The following HK1 variants were observed in gnomAD, a reference collection of about 807,000 sequenced individuals.
HK1 encodes the protein hexokinase-1.
In HK1, 28 loss-of-function variants were observed where a neutral mutation model predicts 91.6. That is an observed-to-expected ratio of 0.31 (90% CI 0.23 to 0.42). The LOEUF is 0.42. Among genes scored for constraint, HK1 ranks in the 10% least tolerant of loss-of-function variants. HK1 has a pLI of 1.00. For synonymous variants in HK1, 430 were observed against 468.1 expected (o/e 0.92, Z 1.05); for missense variants, 770 against 1,219.8 (o/e 0.63, Z 5.49).
intron 9 of HK1, 31 bp from the exon 10 acceptor site, chr10:69,382,456 T>C: frequency 6.2e-7 from 1 of 1,610,820 alleles, no homozygotes; most frequent in Non-Finnish European, 8.5e-7. Flanking sequence ...TCAGTCCAGC[T>C]GTTGTGGAAT....
intron 1 of HK1, among the ~76,000 whole-genome samples, chr10:69,276,090 CAAAAAAAA>C (rs60324656): frequency 0.13 from 2,025 of 15,796 alleles, 86 homozygotes; most frequent in East Asian, 0.41. Context: ...AACTCCTTTT[CAAAAAAAA>C]AAAAAAAAAA....
chr10:69,315,923 C>A (rs775110383), upstream of HK1: 4 of 1,611,678 alleles, frequency 2.5e-6, no homozygotes, highest in South Asian at 4.4e-5. Context: ...CAGGTTCCTG[C>A]CCTGTAAAGA....
intron 1 of HK1, 84 bp downstream of exon 1, chr10:69,319,094 T>C: frequency 6.7e-7 from 1 of 1,482,478 alleles, no homozygotes; most frequent in Non-Finnish European, 9.2e-7. Context: ...GCCTCCATCC[T>C]CCGGCGCCCG....
chr10:69,336,878 C>G (rs1442164307), intron 1 of HK1, among the ~76,000 whole-genome samples: 2 of 151,822 alleles, frequency 1.3e-5, no homozygotes, highest in African/African-American at 4.8e-5. Flanking sequence ...CCTGACCTCT[C>G]AAGTGATCCA....
exon 5 of HK1, chr10:69,300,855 T>C: frequency 6.4e-7 from 1 of 1,554,578 alleles, no homozygotes; most frequent in Non-Finnish European, 8.9e-7. Flanking sequence ...GAGCCCTGCA[T>C]GATTTTGTAC....
upstream of HK1, among the ~76,000 whole-genome samples, chr10:69,317,303 T>C (rs1220574819): frequency 2.6e-5 from 4 of 152,136 alleles, no homozygotes; most frequent in East Asian, 1.9e-4. Flanking sequence ...CTTCATCTTA[T>C]GGATGAAGAC....
At chr10:69,307,415 T>TAGGAATCTAAGCCACGACTC (rs1234215319) in intron 5 of HK1, among the ~76,000 whole-genome samples, 1 of 152,226 alleles carries the variant, frequency 6.6e-6, no homozygotes, top group African/African-American at 2.4e-5. Flanking sequence ...TGCCACGCTT[T>TAGGAATCTAAGCCACGACTC]AGGAATCTAA....
At chr10:69,392,067 G>C in intron 14 of HK1, 58 bp from the exon 15 acceptor site, 1 of 1,595,952 alleles carries the variant, frequency 6.3e-7, no homozygotes, top group Non-Finnish European at 8.6e-7. Context: ...CCCAGGCCCA[G>C]TTGCAAGACC....
chr10:69,401,252 G>A lies in HK1; in HGVS notation c.*117G>A, dbSNP rs921432628. 2 of 1,214,764 alleles carry A rather than the reference G, an allele frequency of 1.6e-6. No individual in the cohort carries two copies. Among genetic ancestry groups the A allele is most frequent in the African/African-American group, 1.5e-5 (1 of 66,220 alleles). 75.2% of individuals were successfully genotyped at this position (1,214,764 alleles called of 1,614,324 possible). On this transcript the variant is annotated 3_prime_UTR_variant, in exon 18 of 18. Transcript: ENST00000359426. ...TGGCGCCAGGGCCTGCCGGCGCGGG[G>A]AGGAAAGCAAAATCCAACTAATGGT...
intron 2 of HK1, among the ~76,000 whole-genome samples, chr10:69,347,436 C>T (rs2132700668): frequency 6.9e-6 from 1 of 145,574 alleles, no homozygotes; most frequent in South Asian, 2.3e-4. Context: ...GAATAGGAGA[C>T]AGATTTTTTT....
chr10:69,354,696 A>C (rs115427476), intron 2 of HK1, among the ~76,000 whole-genome samples: 1 of 152,206 alleles, frequency 6.6e-6, no homozygotes, highest in Non-Finnish European at 1.5e-5. Flanking sequence ...GCAGCTAATG[A>C]GCATTTGCTG....
intron 2 of HK1, among the ~76,000 whole-genome samples, chr10:69,355,628 A>G (rs1298059727): frequency 6.6e-6 from 1 of 152,116 alleles, no homozygotes; most frequent in Non-Finnish European, 1.5e-5. Context: ...CGTCTCTACT[A>G]AAAATACAAA....
intron 5 of HK1, among the ~76,000 whole-genome samples, chr10:69,310,712 A>G (rs1176469125): frequency 1.3e-5 from 2 of 152,186 alleles, no homozygotes; most frequent in East Asian, 3.9e-4. Flanking sequence ...GTCAAACTAC[A>G]AGTTTATTCA....
At chr10:69,314,509 A>G (rs769962793), upstream of HK1, among the ~76,000 whole-genome samples, 15 of 152,238 alleles carry the variant, frequency 9.9e-5, no homozygotes, top group East Asian at 3.9e-4. Context: ...AGATGCTCCA[A>G]TGGTTTAGGC....
At chr10:69,332,570 A>G (rs2132634151) in intron 1 of HK1, among the ~76,000 whole-genome samples, 1 of 151,710 alleles carries the variant, frequency 6.6e-6, no homozygotes. Context: ...TTTAGTAGAG[A>G]CGGGTTTTGC....
At position 69,369,157 on chromosome 10, in the gene HK1, C is replaced by G; in HGVS notation, c.592-80C>G. ...AGCAGGGGTTCTGAAAACGGGAGCA[C>G]TTCTGCCAAGCGCTGTTAAGGTGTG... On this transcript the variant is annotated intron_variant, in intron 5 of 17. Coordinates refer to ENST00000359426, the MANE Select transcript of HK1 (RefSeq NM_000188.3). This position sits in a 1 kb window ranked among gnomAD's most constrained non-coding sequence, Gnocchi z 4.4. 2 of 1,076,996 alleles carry G rather than the reference C, an allele frequency of 1.9e-6. No individual in the cohort carries two copies. Among genetic ancestry groups the G allele is most frequent in the Middle Eastern group, 2.5e-4 (1 of 3,996 alleles). The allele number at this position is 1,076,996 out of a possible 1,614,324, so 66.7% of individuals were successfully genotyped here.
upstream of HK1, chr10:69,316,119 A>G (rs1846627744): frequency 1.1e-6 from 1 of 947,614 alleles, no homozygotes. Flanking sequence ...GGAAGGGAAT[A>G]TGAGCGGCGA....
chr10:69,273,544 G>A (rs1844285877), intron 1 of HK1, among the ~76,000 whole-genome samples: 1 of 152,192 alleles, frequency 6.6e-6, no homozygotes, highest in South Asian at 2.1e-4. Flanking sequence ...TAGAGATGGG[G>A]TTTCACCATG....
At chr10:69,359,356 G>A (rs7095140) in intron 2 of HK1, among the ~76,000 whole-genome samples, 13,585 of 152,180 alleles carry the variant, frequency 0.089, 847 homozygotes, top group African/African-American at 0.17. Flanking sequence ...TGAATTGTAC[G>A]CCTGAAAATG....
Sources: allele counts gnomAD v4.1 joint callset (sites outside exome capture counted in the v4.1 genomes callset), GRCh38; gene constraint gnomAD v4.1.1; non-coding constraint Gnocchi (gnomAD v3.1); transcripts MANE v1.5; gene names NCBI Gene and HGNC (gene_info 2026-07-23, HGNC 2026-07-21).